ENTREP2: variants seen among roughly 807,000 people sequenced by gnomAD.
The protein encoded by ENTREP2 is protein ENTREP2.
the ENTREP2 span, among the ~76,000 whole-genome samples, chr15:29,584,408 G>A: frequency 1.3e-5 from 2 of 150,984 alleles, no homozygotes; most frequent in African/African-American, 4.9e-5. Flanking sequence ...ATCCATTGAT[G>A]GATGAAGGAA....
chr15:29,587,305 A>C, the ENTREP2 span, among the ~76,000 whole-genome samples: 2 of 151,984 alleles, frequency 1.3e-5, no homozygotes, highest in Non-Finnish European at 2.9e-5. Flanking sequence ...CAATAAGAGA[A>C]ATGGCTGAGC....
At chr15:29,261,337 C>T in the ENTREP2 span, among the ~76,000 whole-genome samples, 2 of 152,106 alleles carry the variant, frequency 1.3e-5, no homozygotes, top group African/African-American at 4.8e-5. Context: ...ATGATTGTGC[C>T]ACTGCATTCT....
chr15:29,667,025 C>A, the ENTREP2 span, among the ~76,000 whole-genome samples: 1 of 152,134 alleles, frequency 6.6e-6, no homozygotes, highest in Non-Finnish European at 1.5e-5. Flanking sequence ...TGCCTGTGAA[C>A]CTTCCCTTCT....
chr15:29,455,500 T>C, the ENTREP2 span, among the ~76,000 whole-genome samples: 2 of 152,244 alleles, frequency 1.3e-5, no homozygotes, highest in Admixed American at 6.5e-5. Context: ...CTTAACAGTA[T>C]ATTTATGCTT....
the ENTREP2 span, among the ~76,000 whole-genome samples, chr15:29,507,299 G>A: frequency 0.046 from 7,031 of 152,164 alleles, 516 homozygotes; most frequent in African/African-American, 0.16. Context: ...TTCCCATGCA[G>A]TAATAGTGGG....
the ENTREP2 span, among the ~76,000 whole-genome samples, chr15:29,331,108 T>TGG: frequency 1.3e-5 from 2 of 152,222 alleles, no homozygotes; most frequent in Non-Finnish European, 1.5e-5. Context: ...ACATGTGGTG[T>TGG]GAGTTTTACA....
chr15:29,335,907 C>T, the ENTREP2 span, among the ~76,000 whole-genome samples: 3 of 151,868 alleles, frequency 2.0e-5, no homozygotes, highest in Admixed American at 6.6e-5. Flanking sequence ...TTTGGGAGGC[C>T]GAGGCGGGTG....
At chr15:29,640,725 C>A in the ENTREP2 span, among the ~76,000 whole-genome samples, 3 of 151,374 alleles carry the variant, frequency 2.0e-5, no homozygotes, top group African/African-American at 7.4e-5. Flanking sequence ...AAGAAAAGCA[C>A]AGCACTGAGG....
the ENTREP2 span, among the ~76,000 whole-genome samples, chr15:29,620,990 G>A: frequency 6.6e-6 from 1 of 152,114 alleles, no homozygotes; most frequent in African/African-American, 2.4e-5. Context: ...GGGAGGAGCC[G>A]GGTGGACTCT....
chr15:29,449,463 G>A, the ENTREP2 span, among the ~76,000 whole-genome samples: 1 of 152,182 alleles, frequency 6.6e-6, no homozygotes, highest in African/African-American at 2.4e-5. Flanking sequence ...GTGAAGTGCA[G>A]GCACAAATAC....
the ENTREP2 span, among the ~76,000 whole-genome samples, chr15:29,335,920 T>C: frequency 4.3e-3 from 659 of 151,976 alleles, 8 homozygotes; most frequent in African/African-American, 0.015. Context: ...GGCGGGTGGA[T>C]CACAACGTCA....
chr15:29,173,539 G>A, the ENTREP2 span, among the ~76,000 whole-genome samples: 1 of 152,184 alleles, frequency 6.6e-6, no homozygotes, highest in Non-Finnish European at 1.5e-5. Context: ...GAACCCCGGG[G>A]CACTTGGTAA....
chr15:29,152,798 T>C, the ENTREP2 span, among the ~76,000 whole-genome samples: 10 of 152,332 alleles, frequency 6.6e-5, no homozygotes, highest in African/African-American at 2.4e-4. Flanking sequence ...CCGAGATAAA[T>C]GTCCAGGAGC....
At chr15:29,391,367 T>C in the ENTREP2 span, among the ~76,000 whole-genome samples, 1 of 151,998 alleles carries the variant, frequency 6.6e-6, no homozygotes, top group Non-Finnish European at 1.5e-5. Context: ...CTGAGAAAAG[T>C]TACCTTTCTT....
chr15:29,271,695 C>G, the ENTREP2 span, among the ~76,000 whole-genome samples: 279 of 152,268 alleles, frequency 1.8e-3, 2 homozygotes, highest in African/African-American at 5.2e-3. Context: ...TCAATCACGA[C>G]CCTTTCATGT....
the ENTREP2 span, among the ~76,000 whole-genome samples, chr15:29,561,557 G>A: frequency 8.5e-5 from 13 of 152,058 alleles, no homozygotes; most frequent in Non-Finnish European, 1.6e-4. Flanking sequence ...GCATGGTGGC[G>A]GGTGCCTATA....
the ENTREP2 span, among the ~76,000 whole-genome samples, chr15:29,326,628 T>G: frequency 6.6e-6 from 1 of 152,262 alleles, no homozygotes; most frequent in East Asian, 1.9e-4. Flanking sequence ...ATTGTTAATA[T>G]GTCAATTCTT....
At chr15:29,241,134 T>TTA in the ENTREP2 span, among the ~76,000 whole-genome samples, 1 of 152,212 alleles carries the variant, frequency 6.6e-6, no homozygotes, top group Non-Finnish European at 1.5e-5. Flanking sequence ...TATAATGAAA[T>TTA]TAGTGCCTGA....
the ENTREP2 span, among the ~76,000 whole-genome samples, chr15:29,519,312 G>A: frequency 6.6e-6 from 1 of 151,668 alleles, no homozygotes; most frequent in Non-Finnish European, 1.5e-5. Flanking sequence ...ACTTATATGT[G>A]GATTTTTTTC....
Sources: allele counts gnomAD v4.1 joint callset (sites outside exome capture counted in the v4.1 genomes callset), GRCh38; gene constraint gnomAD v4.1.1; transcripts MANE v1.5; gene names NCBI Gene and HGNC (gene_info 2026-07-23, HGNC 2026-07-21).